PDE10A: variants seen among roughly 807,000 people sequenced by gnomAD.
PDE10A encodes the protein phosphodiesterase 10A, also known as cAMP and cAMP-inhibited cGMP 3',5'-cyclic phosphodiesterase 10A.
Under a neutral mutation model 97.7 loss-of-function variants are expected in PDE10A, and 39 were observed. That is an observed-to-expected ratio of 0.40 (90% confidence interval 0.31 to 0.52). PDE10A has a LOEUF of 0.52. Ranked by LOEUF, PDE10A falls within the 20% of genes least tolerant of loss-of-function variation. The pLI, the probability that PDE10A is intolerant of heterozygous loss-of-function variation, is 0.56. For missense variants in PDE10A, 731 were observed against 1,047.8 expected (o/e 0.70, Z 4.17); for synonymous variants, 371 against 376.8 (o/e 0.98, Z 0.18).
chr6:165,372,247 G>C (rs1013612022), intron 18 of PDE10A, among the ~76,000 whole-genome samples: 3 of 149,366 alleles, frequency 2.0e-5, no homozygotes, highest in Admixed American at 6.7e-5. Flanking sequence ...GCAGGAGAAG[G>C]AAATAAAGGG....
rs2983533 is a variant in PDE10A at position 165,661,272 on chromosome 6, C to G, written c.865+675G>C. ...TATTGTCCTTCCCTTTTCTCTACCACCCCGGACCCCAGAGAAGCCCGGGAC... is the reference window on the plus strand; with the variant it reads ...TATTGTCCTTCCCTTTTCTCTACCAGCCCGGACCCCAGAGAAGCCCGGGAC... On this transcript the variant is annotated intron_variant, in intron 1 of 21. Coordinates refer to ENST00000539869, the MANE Select transcript of PDE10A (RefSeq NM_001385079.1). This position sits in a 1 kb window ranked among gnomAD's most constrained non-coding sequence, Gnocchi z 4.8. 117,420 of 152,194 alleles carry G rather than the reference C, an allele frequency of 0.77. 45,576 individuals are homozygous for G. The highest frequency in any genetic ancestry group is 0.85 in the African/African-American group (35,221 of 41,520). 9.4% of individuals were successfully genotyped at this position (152,194 alleles called of 1,614,324 possible). A position where few individuals can be genotyped will look rare whatever the true frequency, so the allele number is the denominator to read the frequency against.
chr6:165,544,095 C>G (rs1268342689), intron 1 of PDE10A, among the ~76,000 whole-genome samples: 1 of 152,138 alleles, frequency 6.6e-6, no homozygotes, highest in Non-Finnish European at 1.5e-5. Context: ...GCAAGTGAAA[C>G]TCTAGCAAGA....
chr6:165,697,064 C>A (rs970952233), intron 1 of PDE10A, among the ~76,000 whole-genome samples: 5 of 151,892 alleles, frequency 3.3e-5, no homozygotes, highest in African/African-American at 1.2e-4. Flanking sequence ...TTAAACATAC[C>A]CAAATACATA....
At chr6:165,897,729 A>G (rs1373458274) in intron 1 of PDE10A, among the ~76,000 whole-genome samples, 2 of 150,134 alleles carry the variant, frequency 1.3e-5, no homozygotes, top group Non-Finnish European at 3.0e-5. Context: ...CCTGGCACAC[A>G]CTGTAGGTGA....
chr6:165,415,969 C>T (rs1220575029), intron 12 of PDE10A, among the ~76,000 whole-genome samples: 1 of 152,152 alleles, frequency 6.6e-6, no homozygotes, highest in East Asian at 1.9e-4. Flanking sequence ...ATTCTAAACT[C>T]CTGTATCTAG....
At chr6:165,688,655 C>T (rs1791189878) in intron 1 of PDE10A, among the ~76,000 whole-genome samples, 2 of 152,168 alleles carry the variant, frequency 1.3e-5, no homozygotes, top group Non-Finnish European at 2.9e-5. Flanking sequence ...CAGGACACAT[C>T]ATCAGTGGAA....
chr6:165,510,695 A>G (rs576911736), intron 2 of PDE10A, among the ~76,000 whole-genome samples: 72 of 152,020 alleles, frequency 4.7e-4, no homozygotes, highest in Non-Finnish European at 1.0e-3. Flanking sequence ...TTCTGATTCA[A>G]TCTTGCTACT....
intron 1 of PDE10A, among the ~76,000 whole-genome samples, chr6:165,871,951 T>C (rs886942055): frequency 2.6e-5 from 4 of 152,200 alleles, no homozygotes; most frequent in Non-Finnish European, 5.9e-5. Flanking sequence ...TCAGTGAAGC[T>C]TTTCACTGGA....
chr6:165,392,495 C>A (rs1785798325), intron 16 of PDE10A, 151 bp downstream of exon 16: 1 of 607,990 alleles, frequency 1.6e-6, no homozygotes, highest in Non-Finnish European at 2.9e-6. Context: ...TGTTTGGGTA[C>A]AAGAGTCTAA....
In PDE10A at chr6:165,388,491, C is replaced by T; in HGVS notation, c.2455-38G>A. The stretch of plus-strand genomic sequence containing the variant: ...ATATGATGCAGAGATGCTCAAAACA[C>T]AGAAACACACATGAGCAGACTTACC... On this transcript the variant is annotated intron_variant, in intron 16 of 21. Transcript: ENST00000539869. This position sits in a 1 kb window ranked among gnomAD's most constrained non-coding sequence, Gnocchi z 4.0. 3.1e-6 allele frequency: 5 copies of T among 1,593,328 alleles called. No homozygotes were observed. The highest frequency in any genetic ancestry group is 4.3e-6 in the Non-Finnish European group (5 of 1,162,886).
intron 1 of PDE10A, among the ~76,000 whole-genome samples, chr6:165,802,981 G>A (rs975985581): frequency 1.3e-5 from 2 of 152,192 alleles, no homozygotes; most frequent in Non-Finnish European, 2.9e-5. Flanking sequence ...TAAATTACGA[G>A]TTCCCAGATG....
chr6:165,902,451 T>A (rs1309089446), intron 1 of PDE10A, among the ~76,000 whole-genome samples: 1 of 152,250 alleles, frequency 6.6e-6, no homozygotes, highest in Non-Finnish European at 1.5e-5. Context: ...TGGCATCACA[T>A]GACATGCATA....
chr6:165,596,828 A>C (rs1786627565), intron 1 of PDE10A, among the ~76,000 whole-genome samples: 1 of 152,120 alleles, frequency 6.6e-6, no homozygotes. Flanking sequence ...GGGGTCCTGA[A>C]TATCCTAGGA....
intron 1 of PDE10A, among the ~76,000 whole-genome samples, chr6:165,916,081 A>T (rs148574396): frequency 2.7e-4 from 41 of 152,362 alleles, no homozygotes; most frequent in African/African-American, 9.6e-4. Flanking sequence ...GCACTGGCAC[A>T]AAGTGGCCGT....
Position 165,346,893 on chromosome 6 carries a change from G to T in PDE10A, c.2784-3391C>A, listed in dbSNP as rs149730233. ...AAGACCAGAATTCTGTTATGAGGTA[G>T]TCTTAATTATTACTGTGAGAGTGGT... On this transcript the variant is annotated intron_variant, in intron 18 of 21. Coordinates refer to ENST00000539869, the MANE Select transcript of PDE10A (RefSeq NM_001385079.1). Among the ~76,000 whole-genome samples the T allele has an allele frequency of 6.8e-3, 1,032 of 152,280 alleles. 10 individuals are homozygous for T. The highest frequency in any genetic ancestry group is 0.024 in the African/African-American group (990 of 41,554).
At chr6:165,581,195 C>T (rs775730172) in intron 1 of PDE10A, among the ~76,000 whole-genome samples, 2 of 152,146 alleles carry the variant, frequency 1.3e-5, no homozygotes, top group Non-Finnish European at 2.9e-5. Context: ...CAAAAGAATA[C>T]TTTAGACCAT....
At chr6:165,746,584 G>A (rs1193997354) in intron 1 of PDE10A, among the ~76,000 whole-genome samples, 1 of 152,228 alleles carries the variant, frequency 6.6e-6, no homozygotes, top group Non-Finnish European at 1.5e-5. Context: ...ACACAGCGGT[G>A]AACACAGGCG....
chr6:165,761,051 C>T (rs1439843347), intron 1 of PDE10A, among the ~76,000 whole-genome samples: 2 of 152,154 alleles, frequency 1.3e-5, no homozygotes, highest in African/African-American at 2.4e-5. Flanking sequence ...CATTTGCAGC[C>T]GGGAGGGGCC....
At chr6:165,529,357 G>A (rs1782637670) in intron 2 of PDE10A, among the ~76,000 whole-genome samples, 1 of 152,174 alleles carries the variant, frequency 6.6e-6, no homozygotes, top group Non-Finnish European at 1.5e-5. Flanking sequence ...TATAAGCCCT[G>A]TGATTAAAGT....
Sources: gnomAD v4.1 joint callset for allele counts (sites outside exome capture counted in the v4.1 genomes callset) on GRCh38, gnomAD v4.1.1 for gene constraint, Gnocchi (gnomAD v3.1) non-coding constraint, MANE v1.5 for transcripts, NCBI Gene and HGNC (gene_info 2026-07-23, HGNC 2026-07-21) for gene names.